Variants in ARHGAP28 observed in about 807,000 individuals in gnomAD.
The protein encoded by ARHGAP28 is rho GTPase-activating protein 28.
Under a neutral mutation model 90.7 loss-of-function variants are expected in ARHGAP28, and 56 were observed. That is an observed-to-expected ratio of 0.62 (90% CI 0.50 to 0.77). ARHGAP28 has a LOEUF of 0.77. Among genes scored for constraint, ARHGAP28 ranks in the 30% least tolerant of loss-of-function variants. ARHGAP28 has a pLI of 0.00. For missense variants in ARHGAP28, 869 were observed against 900.9 expected (o/e 0.96, Z 0.45); for synonymous variants, 308 against 323.3 (o/e 0.95, Z 0.51).
intron 1 of ARHGAP28, among the ~76,000 whole-genome samples, chr18:6,823,140 CAAG>C (rs1567958926): frequency 3.3e-5 from 5 of 151,866 alleles, no homozygotes; most frequent in South Asian, 2.1e-4. Context: ...AACCCAAAGA[CAAG>C]AAGGCAAGCT....
chr18:6,806,232 G>T (rs1177860820), intron 1 of ARHGAP28, among the ~76,000 whole-genome samples: 2 of 151,542 alleles, frequency 1.3e-5, no homozygotes, highest in Non-Finnish European at 2.9e-5. Flanking sequence ...TTCTTTTTTG[G>T]CTTCTTTTGG....
chr18:6,787,525 A>G (rs191508217), intron 1 of ARHGAP28, among the ~76,000 whole-genome samples: 1 of 152,194 alleles, frequency 6.6e-6, no homozygotes, highest in Non-Finnish European at 1.5e-5. Context: ...AAACTTAAAA[A>G]AATTAGTTCT....
intron 1 of ARHGAP28, among the ~76,000 whole-genome samples, chr18:6,807,709 A>T (rs1254632438): frequency 6.6e-6 from 1 of 152,144 alleles, no homozygotes; most frequent in African/African-American, 2.4e-5. Context: ...GGTAGTTTCC[A>T]TATATGAATT....
At chr18:6,745,056 TTTAAA>T (rs2056010955) in intron 1 of ARHGAP28, among the ~76,000 whole-genome samples, 1 of 152,134 alleles carries the variant, frequency 6.6e-6, no homozygotes, top group Non-Finnish European at 1.5e-5. Flanking sequence ...TTTAATAGAA[TTTAAA>T]TTAAAGTGGA....
At chr18:6,811,855 A>C (rs1600207440) in intron 1 of ARHGAP28, among the ~76,000 whole-genome samples, 1 of 152,134 alleles carries the variant, frequency 6.6e-6, no homozygotes, top group Non-Finnish European at 1.5e-5. Flanking sequence ...ATTTTTGTCA[A>C]TGAATTAATA....
At chr18:6,761,382 G>C (rs1314818084) in intron 1 of ARHGAP28, among the ~76,000 whole-genome samples, 1 of 152,174 alleles carries the variant, frequency 6.6e-6, no homozygotes, top group African/African-American at 2.4e-5. Flanking sequence ...TGGTTCCTCA[G>C]CTTGGGTCTT....
At chr18:6,787,639 G>A (rs1229771774) in intron 1 of ARHGAP28, among the ~76,000 whole-genome samples, 1 of 152,196 alleles carries the variant, frequency 6.6e-6, no homozygotes, top group Non-Finnish European at 1.5e-5. Context: ...TGATGTGCAG[G>A]CAAAGCAATG....
intron 3 of ARHGAP28, among the ~76,000 whole-genome samples, chr18:6,843,225 A>T (rs1307004563): frequency 6.6e-6 from 1 of 152,102 alleles, no homozygotes; most frequent in African/African-American, 2.4e-5. Context: ...CCTTCTGCCT[A>T]CAACACCCTC....
intron 1 of ARHGAP28, among the ~76,000 whole-genome samples, chr18:6,774,911 GC>G (rs2056271786): frequency 6.6e-6 from 1 of 152,126 alleles, no homozygotes. Context: ...TCTTTCCGTG[GC>G]CTCTGTCTAC....
intron 3 of ARHGAP28, among the ~76,000 whole-genome samples, chr18:6,846,108 T>C (rs2056864306): frequency 6.6e-6 from 1 of 152,236 alleles, no homozygotes; most frequent in African/African-American, 2.4e-5. Flanking sequence ...GGGGGTTTGC[T>C]GACACCTGCC....
Position 6,729,898 on chromosome 18 carries a change from A to T in ARHGAP28, c.77A>T (p.Glu26Val), listed in dbSNP as rs1012380371. ...GCGCGCGCCCAGCCCCCCAACGCCG[A>T]GTCGCGCTGCGCGCCCCGCGCCGCA... The part of the protein sequence containing the change: ...SYARAQPPNA[E>V]SRCAPRAAAS... Residue 26 changes from glutamate to valine, a missense_variant, in exon 1 of 18, where the codon GAG (glutamate) becomes GTG (valine). Glu to Val is a moderately radical substitution (Grantham distance 121). Coordinates refer to ENST00000383472, the MANE Select transcript of ARHGAP28 (RefSeq NM_001366230.1). 7.0e-5 allele frequency: 100 copies of T among 1,423,456 alleles called. No homozygotes were observed. Among genetic ancestry groups the T allele is most frequent in the Non-Finnish European group, 8.5e-5 (93 of 1,091,302 alleles). The allele number at this position is 1,423,456 out of a possible 1,614,324, so 88.2% of individuals were successfully genotyped here.
intron 16 of ARHGAP28, chr18:6,897,605 A>G (rs527308502): frequency 1.2e-4 from 19 of 152,362 alleles, no homozygotes; most frequent in African/African-American, 4.6e-4. Flanking sequence ...GGATGGCCTT[A>G]AAATGAAGCA....
At chr18:6,911,589 C>T (rs1480990537) in intron 17 of ARHGAP28, among the ~76,000 whole-genome samples, 13 of 152,116 alleles carry the variant, frequency 8.5e-5, no homozygotes, top group African/African-American at 2.9e-4. Flanking sequence ...GCGCCTACCA[C>T]CACACCTGGC....
intron 17 of ARHGAP28, among the ~76,000 whole-genome samples, chr18:6,910,213 C>T (rs2057388664): frequency 6.6e-6 from 1 of 152,176 alleles, no homozygotes; most frequent in African/African-American, 2.4e-5. Context: ...TTCAAGGATG[C>T]CCTAAGCTTC....
chr18:6,802,071 G>A lies in ARHGAP28; in HGVS notation c.123-22691G>A, dbSNP rs2056485963. On this transcript the variant is annotated intron_variant, in intron 1 of 17. Transcript: ENST00000383472. ...AATGACGTCCAGTTCCATCCATGTT[G>A]CTGCAAATGACCAGCTTTCTTTCTT... Among the ~76,000 whole-genome samples the A allele has an allele frequency of 5.9e-5, 9 of 152,078 alleles. 2 individuals are homozygous for A. In the South Asian group the frequency reaches 1.9e-3, roughly 31 times the overall value.
chr18:6,899,325 A>G (rs1169255803), intron 16 of ARHGAP28, among the ~76,000 whole-genome samples: 1 of 152,210 alleles, frequency 6.6e-6, no homozygotes, highest in African/African-American at 2.4e-5. Flanking sequence ...AGAGGCCTTG[A>G]GAAATGACAC....
intron 7 of ARHGAP28, 128 bp downstream of exon 7, chr18:6,870,860 G>A (rs776653307): frequency 6.5e-5 from 63 of 966,600 alleles, no homozygotes; most frequent in Non-Finnish European, 9.0e-5. Flanking sequence ...GAGTGCAGTG[G>A]CGCGATCTCG....
At chr18:6,735,428 T>C (rs2055917039) in intron 1 of ARHGAP28, among the ~76,000 whole-genome samples, 1 of 152,202 alleles carries the variant, frequency 6.6e-6, no homozygotes, top group Admixed American at 6.5e-5. Flanking sequence ...ATCTCCCGAG[T>C]CTCCTGCAAT....
At position 6,764,654 on chromosome 18, in the gene ARHGAP28, G is replaced by A. The variant is rs1021034347; in HGVS notation, c.122+34711G>A. Among the ~76,000 whole-genome samples, 13 of 152,306 alleles carry A rather than the reference G, an allele frequency of 8.5e-5. No homozygotes were observed. In the South Asian group the frequency reaches 1.7e-3, roughly 19 times the overall value. On this transcript the variant is annotated intron_variant, in intron 1 of 17. Transcript: ENST00000383472. ...TGGATATGACCTGTGTGTTAGGCCA[G>A]TGAACGAGCCAAGAGAGATTCCATT...
Sources: allele counts gnomAD v4.1 joint callset (sites outside exome capture counted in the v4.1 genomes callset), GRCh38; gene constraint gnomAD v4.1.1; transcripts MANE v1.5; gene names NCBI Gene and HGNC (gene_info 2026-07-23, HGNC 2026-07-21).